APOLD1: variants seen among roughly 807,000 people sequenced by gnomAD.
APOLD1 encodes the protein apolipoprotein L domain containing 1.
APOLD1 carries 22 observed loss-of-function variants against 15.3 expected under a neutral mutation model. The observed-to-expected ratio is 1.44, with a 90% CI of 1.03 to 2.05. APOLD1 has a LOEUF of 2.05. Ranked by LOEUF, APOLD1 falls within the 30% of genes most tolerant of loss-of-function variation. The pLI is 0.00. For synonymous variants in APOLD1, 190 were observed against 167.4 expected (o/e 1.13, Z -1.04); for missense variants, 394 against 353.5 (o/e 1.11, Z -0.92).
intron 1 of APOLD1, among the ~76,000 whole-genome samples, chr12:12,730,908 G>C (rs1227484628): frequency 6.6e-6 from 1 of 151,994 alleles, no homozygotes; most frequent in African/African-American, 2.4e-5. Flanking sequence ...TTGGGAGGCC[G>C]AGGCAGGCGG....
intron 1 of APOLD1, chr12:12,771,733 T>C (rs907630880): frequency 1.8e-5 from 6 of 324,622 alleles, no homozygotes; most frequent in East Asian, 8.5e-5. Context: ...TTGTTCAAAA[T>C]AATAATAGCA....
intron 1 of APOLD1, among the ~76,000 whole-genome samples, chr12:12,747,790 C>A (rs76885346): frequency 6.6e-6 from 1 of 152,168 alleles, no homozygotes; most frequent in South Asian, 2.1e-4. Flanking sequence ...GGAAGGAGCA[C>A]AATTAGGGAG....
At chr12:12,758,164 C>T (rs1305238311) in intron 1 of APOLD1, among the ~76,000 whole-genome samples, 1 of 150,178 alleles carries the variant, frequency 6.7e-6, no homozygotes, top group Non-Finnish European at 1.5e-5. Flanking sequence ...TCTCCATCTC[C>T]TGACCTCGTG....
intron 1 of APOLD1, among the ~76,000 whole-genome samples, chr12:12,769,227 T>TA (rs35276279): frequency 0.079 from 4,846 of 61,470 alleles, 381 homozygotes; most frequent in African/African-American, 0.21. Context: ...GACCTCCAGC[T>TA]AAAAAAAAAA....
chr12:12,731,083 G>C (rs958970010), intron 1 of APOLD1, among the ~76,000 whole-genome samples: 40 of 152,194 alleles, frequency 2.6e-4, no homozygotes, highest in Non-Finnish European at 5.0e-4. Context: ...GGAGCTTGCA[G>C]TGGGCCGAGA....
rs567350338 is a variant in APOLD1 at position 12,757,113 on chromosome 12, A to G, written c.97-29796A>G. ...ACAGCTGCTTTTTAACTGAAGAAAA[A>G]CTTCTCCAAAACAAGAACTATAAAA... is the stretch of plus-strand genomic sequence containing the variant. On this transcript the variant is annotated intron_variant, in intron 1 of 1. Coordinates refer to the APOLD1 transcript ENST00000326765. Among the ~76,000 whole-genome samples, 3 of 152,194 alleles carry G rather than the reference A, an allele frequency of 2.0e-5. No individual in the cohort carries two copies. The South Asian group carries it at 6.2e-4, about 31-fold the overall frequency.
intron 1 of APOLD1, among the ~76,000 whole-genome samples, chr12:12,770,250 CA>C (rs1278996004): frequency 6.6e-6 from 1 of 151,978 alleles, no homozygotes; most frequent in Non-Finnish European, 1.5e-5. Context: ...ACTAAAAATA[CA>C]AAAATTAGCC....
At position 12,750,296 on chromosome 12, in the gene APOLD1, C is replaced by T. The variant is rs1263412469; in HGVS notation, c.96+24200C>T. 5.6e-5 allele frequency among the ~76,000 whole-genome samples: 8 copies of T among 141,666 alleles called. No individual in the cohort carries two copies. The East Asian group carries it at 6.4e-4, about 11-fold the overall frequency. 92.9% of individuals were successfully genotyped at this position (141,666 alleles called of 152,430 possible). ...CTGAGGCAGGAGAATCGCTTGAACCCGGGAGACGGAGGTTGCAGTGAACCA... is the reference window on the plus strand; with the variant it reads ...CTGAGGCAGGAGAATCGCTTGAACCTGGGAGACGGAGGTTGCAGTGAACCA... On this transcript the variant is annotated intron_variant, in intron 1 of 1. Transcript: ENST00000326765.
chr12:12,726,990 G>A (rs1461552849), intron 1 of APOLD1, among the ~76,000 whole-genome samples: 1 of 152,212 alleles, frequency 6.6e-6, no homozygotes, highest in Non-Finnish European at 1.5e-5. Flanking sequence ...CACTAGTCTT[G>A]GATGACCCCT....
chr12:12,775,201 G>A (rs1228149678), intron 1 of APOLD1, among the ~76,000 whole-genome samples: 1 of 152,162 alleles, frequency 6.6e-6, no homozygotes, highest in East Asian at 1.9e-4. Flanking sequence ...AATCTGAAAA[G>A]GCTACATGCT....
intron 1 of APOLD1, among the ~76,000 whole-genome samples, chr12:12,733,973 A>T (rs572941227): frequency 1.3e-5 from 2 of 152,322 alleles, no homozygotes; most frequent in Admixed American, 6.5e-5. Flanking sequence ...TATGTCTCAC[A>T]TACGGTCTCA....
intron 1 of APOLD1, among the ~76,000 whole-genome samples, chr12:12,732,330 C>T (rs1372571149): frequency 1.3e-5 from 2 of 152,056 alleles, no homozygotes; most frequent in South Asian, 2.1e-4. Context: ...TTCAGCTGGG[C>T]GCCGTGATTG....
At chr12:12,785,331 C>T (rs757553057), upstream of APOLD1, among the ~76,000 whole-genome samples, 4 of 152,018 alleles carry the variant, frequency 2.6e-5, no homozygotes, top group Admixed American at 6.5e-5. Context: ...GCCTGGGGTG[C>T]GTTTGAAGGC....
In APOLD1 at chr12:12,728,616, C is replaced by G. The variant is rs1240242230; in HGVS notation, c.96+2520C>G. Among the ~76,000 whole-genome samples, 23 of 130,578 alleles carry G rather than the reference C, an allele frequency of 1.8e-4. No individual in the cohort carries two copies. In the Admixed American group the frequency reaches 2.1e-3, roughly 12 times the overall value. The allele number at this position is 130,578 out of a possible 152,430, so 85.7% of individuals were successfully genotyped here. A position where few individuals can be genotyped will look rare whatever the true frequency, so the allele number is the denominator to read the frequency against. ...CTGGAAGGCTGAGGTTGCAGTGAGC[C>G]GAGATCATGCCACTGCATGCTGGCC... On this transcript the variant is annotated intron_variant, in intron 1 of 1. Transcript: ENST00000326765.
intron 1 of APOLD1, among the ~76,000 whole-genome samples, chr12:12,761,063 G>A (rs960277636): frequency 6.6e-6 from 1 of 152,142 alleles, no homozygotes; most frequent in South Asian, 2.1e-4. Flanking sequence ...TGGTGTCTGC[G>A]TCCTGAATAG....
intron 1 of APOLD1, 124 bp from the exon 2 acceptor site, chr12:12,786,785 C>A: frequency 7.7e-7 from 1 of 1,302,900 alleles, no homozygotes; most frequent in Non-Finnish European, 9.7e-7. Flanking sequence ...AGACCCGTTC[C>A]CCTAGCGTGG....
intron 1 of APOLD1, among the ~76,000 whole-genome samples, chr12:12,726,540 G>A (rs1946595119): frequency 6.6e-6 from 1 of 152,112 alleles, no homozygotes; most frequent in South Asian, 2.1e-4. Flanking sequence ...CCCTATGTCC[G>A]TATTAGTGAA....
At chr12:12,786,615 C>T (rs1947126508) in intron 1 of APOLD1, 3 of 975,546 alleles carry the variant, frequency 3.1e-6, no homozygotes, top group Non-Finnish European at 3.7e-6. Context: ...TTATTTAACA[C>T]ATAGCTGATG....
chr12:12,776,003 C>CAAAAA (rs34623976), intron 1 of APOLD1, among the ~76,000 whole-genome samples: 889 of 61,612 alleles, frequency 0.014, 6 homozygotes, highest in Non-Finnish European at 0.017. Context: ...GACCCAGTCT[C>CAAAAA]AAAAAAAAAA....
Sources: allele counts gnomAD v4.1 joint callset (sites outside exome capture counted in the v4.1 genomes callset), GRCh38; gene constraint gnomAD v4.1.1; transcripts MANE v1.5; gene names NCBI Gene and HGNC (gene_info 2026-07-23, HGNC 2026-07-21).